ZNF69: variants seen among roughly 807,000 people sequenced by gnomAD.
ZNF69 encodes zinc finger protein 69.
ZNF69 carries 47 observed loss-of-function variants against 50.9 expected under a neutral mutation model. The ratio of observed to expected loss-of-function variants is 0.92; its 90% CI spans 0.73 to 1.18. The LOEUF is 1.18. Ranked by LOEUF, ZNF69 falls within the 50% of genes most tolerant of loss-of-function variation. The pLI, the probability that ZNF69 is intolerant of heterozygous loss-of-function variation, is 0.00. For missense variants in ZNF69, 717 were observed against 675.1 expected (o/e 1.06, Z -0.69); for synonymous variants, 216 against 223.1 (o/e 0.97, Z 0.29).
chr19:11,923,761 A>C, the ZNF69 span, among the ~76,000 whole-genome samples: 3 of 152,188 alleles, frequency 2.0e-5, no homozygotes, highest in African/African-American at 7.2e-5. Context: ...AATGGGATTG[A>C]AGGTGTTTGT....
intron 1 of ZNF69, among the ~76,000 whole-genome samples, chr19:11,896,706 A>AT (rs1335576547): frequency 3.3e-5 from 5 of 152,002 alleles, no homozygotes; most frequent in Non-Finnish European, 7.4e-5. Flanking sequence ...TTAATGTGTG[A>AT]TTTTTTTGGA....
Position 11,899,614 on chromosome 19 carries a change from A to C in ZNF69, c.64-3959A>C, listed in dbSNP as rs1012215553. 6.6e-5 allele frequency among the ~76,000 whole-genome samples: 10 copies of C among 152,074 alleles called. No individual in the cohort carries two copies. The East Asian group carries it at 1.9e-3, about 29-fold the overall frequency. ...AGTTAGAGAACAGCCTGGTAGATAC[A>C]GTGTGAGAACTTATCTATTTTTTTT... On this transcript the variant is annotated intron_variant, in intron 1 of 3. Coordinates refer to ENST00000429654, the MANE Select transcript of ZNF69 (RefSeq NM_001364730.1).
downstream of ZNF69, among the ~76,000 whole-genome samples, chr19:11,910,181 C>G (rs1030790180): frequency 2.0e-5 from 3 of 152,144 alleles, no homozygotes; most frequent in Non-Finnish European, 4.4e-5. Context: ...AGGACACAAA[C>G]AAATGGAAGA....
At chr19:11,935,691 C>A in the ZNF69 span, among the ~76,000 whole-genome samples, 1 of 152,244 alleles carries the variant, frequency 6.6e-6, no homozygotes, top group Admixed American at 6.5e-5. Context: ...CCAAAACAGA[C>A]AGTTTTACTT....
At chr19:11,957,296 A>G in the ZNF69 span, among the ~76,000 whole-genome samples, 19 of 151,442 alleles carry the variant, frequency 1.3e-4, no homozygotes, top group Non-Finnish European at 2.2e-4. Context: ...GGGTTTCACC[A>G]TGTTAGCCAG....
chr19:11,950,436 A>G, the ZNF69 span: 42 of 735,652 alleles, frequency 5.7e-5, no homozygotes, highest in South Asian at 3.7e-4. Context: ...CTTCTTTTCA[A>G]TGTCATGAAA....
chr19:11,953,478 A>C, the ZNF69 span: 12 of 152,354 alleles, frequency 7.9e-5, no homozygotes, highest in African/African-American at 2.9e-4. Flanking sequence ...GATCCTTTAT[A>C]ACATATGCTT....
chr19:11,906,365 C>A lies in ZNF69; in HGVS notation c.*267C>A. On this transcript the variant is annotated 3_prime_UTR_variant, in exon 4 of 4. Coordinates refer to ENST00000429654, the MANE Select transcript of ZNF69 (RefSeq NM_001364730.1). The stretch of plus-strand genomic sequence containing the variant: ...ATGGAGTTTGAGATCTAAGAATGGA[C>A]AGTCTGCCTCCTCAAGTGGGTCCCT... 1 of 873,868 alleles carries A rather than the reference C, an allele frequency of 1.1e-6. No homozygotes were observed. Among genetic ancestry groups the A allele is most frequent in the Non-Finnish European group, 1.5e-6 (1 of 666,342 alleles). 54.1% of individuals were successfully genotyped at this position (873,868 alleles called of 1,614,324 possible).
At chr19:11,910,376 C>G (rs947981007), downstream of ZNF69, among the ~76,000 whole-genome samples, 1 of 152,130 alleles carries the variant, frequency 6.6e-6, no homozygotes, top group African/African-American at 2.4e-5. Context: ...CAATCCTAAG[C>G]CAAAAGAACA....
the ZNF69 span, chr19:11,965,029 G>T: frequency 1.5e-6 from 1 of 668,170 alleles, no homozygotes; most frequent in East Asian, 3.0e-5. Flanking sequence ...GGCACAGAGT[G>T]GGTCGCATTC....
chr19:11,900,429 T>C (rs552566854), intron 1 of ZNF69, among the ~76,000 whole-genome samples: 1 of 152,072 alleles, frequency 6.6e-6, no homozygotes, highest in African/African-American at 2.4e-5. Flanking sequence ...CTCGGCTCAC[T>C]GCAACCTCTG....
chr19:11,917,108 C>G (rs589408), downstream of ZNF69, among the ~76,000 whole-genome samples: 9 of 152,204 alleles, frequency 5.9e-5, no homozygotes, highest in Admixed American at 1.3e-4. Context: ...GGGGCTTTGA[C>G]TTGCATCTGC....
chr19:11,902,144 G>T (rs74751561), intron 1 of ZNF69, among the ~76,000 whole-genome samples: 1 of 151,832 alleles, frequency 6.6e-6, no homozygotes, highest in Non-Finnish European at 1.5e-5. Context: ...CGCCATGCCC[G>T]GGTAATTTTG....
At chr19:11,963,694 G>GA in the ZNF69 span, among the ~76,000 whole-genome samples, 8 of 152,102 alleles carry the variant, frequency 5.3e-5, no homozygotes, top group Non-Finnish European at 8.8e-5. Context: ...CCGTCCCATG[G>GA]AAACCGCCCG....
At chr19:11,933,636 A>G in the ZNF69 span, among the ~76,000 whole-genome samples, 3 of 148,044 alleles carry the variant, frequency 2.0e-5, no homozygotes, top group Non-Finnish European at 4.4e-5. Flanking sequence ...GTAAGTGGCC[A>G]TTTCAGACTT....
chr19:11,918,317 T>C (rs1972539061), downstream of ZNF69, among the ~76,000 whole-genome samples: 3 of 152,206 alleles, frequency 2.0e-5, no homozygotes, highest in African/African-American at 7.2e-5. Context: ...TCTAACTCAC[T>C]TTTCGTCGCC....
the ZNF69 span, chr19:11,949,315 T>C: frequency 2.5e-6 from 4 of 1,611,816 alleles, no homozygotes; most frequent in Non-Finnish European, 3.4e-6. Context: ...CAGATCTGCC[T>C]CACAGCTTCG....
chr19:11,897,611 G>A (rs1013319047), intron 1 of ZNF69, among the ~76,000 whole-genome samples: 10 of 150,018 alleles, frequency 6.7e-5, no homozygotes, highest in South Asian at 2.1e-4. Context: ...GGTAGCTCAC[G>A]TCTCTAATCC....
chr19:11,935,947 A>C, the ZNF69 span, among the ~76,000 whole-genome samples: 4 of 152,136 alleles, frequency 2.6e-5, no homozygotes, highest in Non-Finnish European at 5.9e-5. Flanking sequence ...TATGAGTGAG[A>C]ATATGCAGTG....
Sources: gnomAD v4.1 joint callset for allele counts (sites outside exome capture counted in the v4.1 genomes callset) on GRCh38, gnomAD v4.1.1 for gene constraint, MANE v1.5 for transcripts, NCBI Gene and HGNC (gene_info 2026-07-23, HGNC 2026-07-21) for gene names.